PPP4R2: variants seen among roughly 807,000 people sequenced by gnomAD.
PPP4R2 encodes serine/threonine-protein phosphatase 4 regulatory subunit 2.
Under a neutral mutation model 47.2 loss-of-function variants are expected in PPP4R2, and 13 were observed. The observed-to-expected ratio is 0.28, with a 90% confidence interval of 0.18 to 0.44. The LOEUF is 0.44. Ranked by LOEUF, PPP4R2 falls within the 20% of genes least tolerant of loss-of-function variation. The pLI, the probability that PPP4R2 is intolerant of heterozygous loss-of-function variation, is 1.00. For missense variants in PPP4R2, 421 were observed against 491.2 expected (o/e 0.86, Z 1.35); for synonymous variants, 151 against 163.3 (o/e 0.92, Z 0.57).
intron 2 of PPP4R2, among the ~76,000 whole-genome samples, chr3:73,034,445 T>C (rs912943445): frequency 5.3e-5 from 8 of 152,252 alleles, no homozygotes; most frequent in Non-Finnish European, 1.2e-4. Flanking sequence ...CTCCAATTTC[T>C]TAGTCTTCAA....
At chr3:73,062,658 A>T (rs2231926) in intron 5 of PPP4R2, 1 of 1,613,564 alleles carries the variant, frequency 6.2e-7, no homozygotes, top group Non-Finnish European at 8.5e-7. Flanking sequence ...TTTGATAGGC[A>T]TTGCGGCTGG....
chr3:73,064,392 C>T lies in PPP4R2; in HGVS notation c.638+246C>T, dbSNP rs558413919. Among the ~76,000 whole-genome samples, 107 of 152,208 alleles carry T rather than the reference C, an allele frequency of 7.0e-4. 1 individual carries two copies. Among genetic ancestry groups the T allele is most frequent in the African/African-American group, 2.5e-3 (102 of 41,522 alleles). On this transcript the variant is annotated intron_variant, in intron 7 of 8. Coordinates refer to ENST00000356692, the MANE Select transcript of PPP4R2 (RefSeq NM_174907.4). Reference sequence around the variant, plus strand: ...CTAAAAGTAACGTAGATATGATGATCCATTTCATTTGTTGTTTCTGAAAGT... The same window carrying T: ...CTAAAAGTAACGTAGATATGATGATTCATTTCATTTGTTGTTTCTGAAAGT...
In PPP4R2 at chr3:73,026,786, G is replaced by A. The variant is rs952027062; in HGVS notation, c.117-20400G>A. Among the ~76,000 whole-genome samples, 3 of 152,144 alleles carry A rather than the reference G, an allele frequency of 2.0e-5. No individual in the cohort carries two copies. The South Asian group carries it at 6.2e-4, about 32-fold the overall frequency. On this transcript the variant is annotated intron_variant, in intron 2 of 8. Coordinates refer to ENST00000356692, the MANE Select transcript of PPP4R2 (RefSeq NM_174907.4). Reference sequence around the variant, plus strand: ...GCAGCCTAAGACAATTTCTCTTCCAGTGTGACCCAGGGAAGCCAAAACATT... The same window carrying A: ...GCAGCCTAAGACAATTTCTCTTCCAATGTGACCCAGGGAAGCCAAAACATT...
At chr3:73,011,396 G>A (rs1211113237) in intron 2 of PPP4R2, among the ~76,000 whole-genome samples, 2 of 152,126 alleles carry the variant, frequency 1.3e-5, no homozygotes, top group African/African-American at 4.8e-5. Context: ...CAGGAGAATC[G>A]CTGGAACGCG....
At chr3:73,051,695 A>T (rs558928433) in intron 3 of PPP4R2, among the ~76,000 whole-genome samples, 2 of 152,256 alleles carry the variant, frequency 1.3e-5, no homozygotes, top group East Asian at 3.9e-4. Flanking sequence ...GCTCAATCTC[A>T]GCTCATTGCA....
chr3:72,997,102 C>T (rs1050828573), intron 1 of PPP4R2, 31 bp downstream of exon 1: 23 of 1,339,120 alleles, frequency 1.7e-5, no homozygotes, highest in Non-Finnish European at 2.1e-5. Flanking sequence ...TCCATTCCCC[C>T]TCACCTTCTC....
chr3:73,047,874 T>C (rs986289605), intron 3 of PPP4R2, among the ~76,000 whole-genome samples: 1 of 152,136 alleles, frequency 6.6e-6, no homozygotes, highest in Non-Finnish European at 1.5e-5. Context: ...CCGGTTTTTT[T>C]GTTTTGTTTT....
At chr3:73,001,575 A>G (rs985557378) in intron 2 of PPP4R2, among the ~76,000 whole-genome samples, 2 of 152,252 alleles carry the variant, frequency 1.3e-5, no homozygotes, top group African/African-American at 4.8e-5. Flanking sequence ...CCTTGTCTCA[A>G]ACACACACAT....
chr3:73,019,585 G>T (rs772844779), intron 2 of PPP4R2, among the ~76,000 whole-genome samples: 2 of 152,168 alleles, frequency 1.3e-5, no homozygotes, highest in Non-Finnish European at 2.9e-5. Flanking sequence ...TGTTGGCTAG[G>T]CTGGTCTCGA....
Position 73,067,015 on chromosome 3 carries a change from T to C in PPP4R2, c.*1293T>C, listed in dbSNP as rs1293594275. 6.6e-6 allele frequency: 1 copy of C among 152,144 alleles called. No individual in the cohort carries two copies. The highest frequency in any genetic ancestry group is 1.5e-5 in the Non-Finnish European group (1 of 67,976). The allele number at this position is 152,144 out of a possible 1,614,324, so 9.4% of individuals were successfully genotyped here. ...GGCTGCCAAATTTATACCTGTTTCT[T>C]CAGCTGTACCTTTTGATATTTAAAG... is the stretch of plus-strand genomic sequence containing the variant. On this transcript the variant is annotated 3_prime_UTR_variant, in exon 9 of 9. Coordinates refer to ENST00000356692, the MANE Select transcript of PPP4R2 (RefSeq NM_174907.4).
At chr3:73,057,919 A>G (rs1381726096) in intron 3 of PPP4R2, among the ~76,000 whole-genome samples, 1 of 152,102 alleles carries the variant, frequency 6.6e-6, no homozygotes, top group Non-Finnish European at 1.5e-5. Flanking sequence ...AATGTTAACT[A>G]TTAATTTGAG....
At chr3:73,045,922 G>T (rs1702475406) in intron 2 of PPP4R2, among the ~76,000 whole-genome samples, 1 of 152,144 alleles carries the variant, frequency 6.6e-6, no homozygotes, top group South Asian at 2.1e-4. Context: ...TGTTCTTTGA[G>T]AATCTCATAC....
Position 72,996,855 on chromosome 3 carries a change from T to C in PPP4R2, c.-183T>C, listed in dbSNP as rs1418126442. The C allele has an allele frequency of 7.4e-6, 3 of 406,372 alleles. No individual in the cohort carries two copies. Among genetic ancestry groups the C allele is most frequent in the East Asian group, 3.6e-5 (1 of 27,734 alleles). The allele number at this position is 406,372 out of a possible 1,614,324, so 25.2% of individuals were successfully genotyped here. On this transcript the variant is annotated 5_prime_UTR_variant, in exon 1 of 9. Coordinates refer to ENST00000356692, the MANE Select transcript of PPP4R2 (RefSeq NM_174907.4). ...TGGTGGTAGCGGCTTGGGGAGGTGC[T>C]CGCTCTGTCGGTCTTGCTCTCTCGC...
At chr3:73,020,699 A>G (rs1701943034) in intron 2 of PPP4R2, among the ~76,000 whole-genome samples, 2 of 148,446 alleles carry the variant, frequency 1.3e-5, no homozygotes, top group Admixed American at 6.7e-5. Flanking sequence ...AAAGTTAAAA[A>G]ACTTTTTTTG....
intron 7 of PPP4R2, among the ~76,000 whole-genome samples, 163 bp downstream of exon 7, chr3:73,064,309 A>G (rs903050327): frequency 2.0e-5 from 3 of 152,206 alleles, no homozygotes; most frequent in Non-Finnish European, 4.4e-5. Flanking sequence ...GCAAATGTTG[A>G]AGGTGGACAT....
At chr3:73,054,625 G>A (rs1228047592) in intron 3 of PPP4R2, among the ~76,000 whole-genome samples, 1 of 151,828 alleles carries the variant, frequency 6.6e-6, no homozygotes, top group Non-Finnish European at 1.5e-5. Flanking sequence ...TTTTTTTTTA[G>A]TAGGATGTCA....
At chr3:73,006,729 A>G (rs1701617867) in intron 2 of PPP4R2, among the ~76,000 whole-genome samples, 1 of 152,214 alleles carries the variant, frequency 6.6e-6, no homozygotes, top group African/African-American at 2.4e-5. Flanking sequence ...TTTCGAACTC[A>G]GAGCAGTCTA....
intron 3 of PPP4R2, among the ~76,000 whole-genome samples, chr3:73,057,334 C>T (rs1281971931): frequency 2.0e-5 from 3 of 152,092 alleles, no homozygotes; most frequent in African/African-American, 7.2e-5. Context: ...CTTAGTAACG[C>T]TGTTGGTGTG....
At chr3:73,055,818 C>T (rs1360083835) in intron 3 of PPP4R2, among the ~76,000 whole-genome samples, 1 of 152,036 alleles carries the variant, frequency 6.6e-6, no homozygotes, top group Non-Finnish European at 1.5e-5. Context: ...ACAGGCCAGG[C>T]TGGTTCTTGA....
Sources: gnomAD v4.1 joint callset for allele counts (sites outside exome capture counted in the v4.1 genomes callset) on GRCh38, gnomAD v4.1.1 for gene constraint, MANE v1.5 for transcripts, NCBI Gene and HGNC (gene_info 2026-07-23, HGNC 2026-07-21) for gene names.